ZBTB32: variants seen among roughly 807,000 people sequenced by gnomAD.
The protein encoded by ZBTB32 is zinc finger and BTB domain-containing protein 32.
A neutral mutation model predicts 45.3 loss-of-function variants in ZBTB32; 28 were observed. That is an observed-to-expected ratio of 0.62 (90% CI 0.46 to 0.85). The LOEUF is 0.85. ZBTB32 is among the 40% of genes least tolerant of loss of function. ZBTB32 has a pLI of 0.00. For missense variants in ZBTB32, 587 were observed against 624.4 expected, an observed-to-expected ratio of 0.94 and a Z score of 0.64; for synonymous variants, 283 against 255.7, an observed-to-expected ratio of 1.11 and a Z score of -1.02.
rs1398667884 is a variant in ZBTB32 at position 35,715,145 on chromosome 19, C to T, written c.519C>T (p.Gly173=). ...EMLHKHSPPR[G]RPEMAGATQE... is the part of the protein sequence containing the mutation. ...TGCACAAGCACTCGCCACCAAGAGG[C>T]AGACCCGAGATGGCAGGAGCAACGC... Residue 173 remains glycine (G), a synonymous_variant, in exon 3 of 7, where the codon GGC becomes GGT. Coordinates refer to ENST00000392197, the MANE Select transcript of ZBTB32 (RefSeq NM_014383.3). 6.2e-6 allele frequency: 10 copies of T among 1,613,904 alleles called. 1 individual carries two copies. In the South Asian group the frequency reaches 1.1e-4, roughly 18 times the overall value.
At chr19:35,716,375 TC>T (rs1439137071) in intron 6 of ZBTB32, 78 bp downstream of exon 6, 1 of 1,592,132 alleles carries the variant, frequency 6.3e-7, no homozygotes, top group Non-Finnish European at 8.6e-7. Flanking sequence ...TGTGCCCGGT[TC>T]CCGCGCAATC....
At position 35,715,338 on chromosome 19, in the gene ZBTB32, T is replaced by A; in HGVS notation, c.712T>A (p.Ser238Thr). ...CCCTGGCCCCCTTCCCCCAGCAGGC[T>A]CCCTGCAAACCAGCGTCACCCCTAG... ...KLPGPLPPAG[S>T]LQTSVTPRPS... Residue 238 changes from serine to threonine, a missense_variant, in exon 3 of 7, where the codon TCC (serine) becomes ACC (threonine). Physicochemically the swap from Ser to Thr is moderately conservative, Grantham distance 58. Coordinates refer to ENST00000392197, the MANE Select transcript of ZBTB32 (RefSeq NM_014383.3). 6.2e-7 allele frequency: 1 copy of A among 1,604,040 alleles called. No homozygotes were observed. Among genetic ancestry groups the A allele is most frequent in the Non-Finnish European group, 8.5e-7 (1 of 1,176,340 alleles).
At chr19:35,712,137 G>A (rs1968719048) in intron 1 of ZBTB32, among the ~76,000 whole-genome samples, 1 of 150,994 alleles carries the variant, frequency 6.6e-6, no homozygotes, top group African/African-American at 2.4e-5. Context: ...GTCATTTACT[G>A]TGTATCTAAT....
At chr19:35,708,267 G>C (rs548925481) in intron 1 of ZBTB32, among the ~76,000 whole-genome samples, 1 of 152,130 alleles carries the variant, frequency 6.6e-6, no homozygotes, top group East Asian at 1.9e-4. Context: ...TACAGGCCTG[G>C]GGTTGAGTCC....
Position 35,716,209 on chromosome 19 carries a change from T to C in ZBTB32, c.1101T>C (p.Pro367=), listed in dbSNP as rs767231160. Reference sequence around the variant, plus strand: ...GCCCGCACCCTCCCCCGGCCCCTCCTGCTCGGTCTCGGCCCTATGCGTGCT... The same window carrying C: ...GCCCGCACCCTCCCCCGGCCCCTCCCGCTCGGTCTCGGCCCTATGCGTGCT... ...PPRPHPPPAP[P]ARSRPYACSV... The change falls in exon 6 of 7, where the codon CCT becomes CCC. Residue 367 remains proline (P), a synonymous_variant. Transcript: ENST00000392197. 1 of 1,613,890 alleles carries C rather than the reference T, an allele frequency of 6.2e-7. No individual in the cohort carries two copies. The highest frequency in any genetic ancestry group is 2.2e-5 in the East Asian group (1 of 44,882).
rs1968929046 is a variant in ZBTB32, at chr19:35,716,817, T to C, written c.*65T>C. 16 of 1,539,282 alleles carry C rather than the reference T, an allele frequency of 1.0e-5. 1 individual carries two copies. The South Asian group carries it at 1.6e-4, about 15-fold the overall frequency. Reference sequence around the variant, plus strand: ...GAACGAAAAGCGGGCCGGCTCGGCTTCTGACCTGGCACCGCTGCTACGGCG... The same window carrying C: ...GAACGAAAAGCGGGCCGGCTCGGCTCCTGACCTGGCACCGCTGCTACGGCG... On this transcript the variant is annotated 3_prime_UTR_variant, in exon 7 of 7. Coordinates refer to ENST00000392197, the MANE Select transcript of ZBTB32 (RefSeq NM_014383.3).
In ZBTB32 at chr19:35,715,061, T is replaced by C; in HGVS notation, c.435T>C (p.Pro145=). ...SRNPERELGD[P]GEKQKPEQVS... ...ATCCTGAGAGAGAACTGGGGGACCC[T>C]GGAGAGAAGCAGAAACCAGAACAGG... Residue 145 remains proline, a synonymous_variant, in exon 3 of 7, where the codon CCT becomes CCC. Transcript: ENST00000392197. 1 of 1,613,528 alleles carries C rather than the reference T, an allele frequency of 6.2e-7. No homozygotes were observed. The highest frequency in any genetic ancestry group is 8.5e-7 in the Non-Finnish European group (1 of 1,179,922).
chr19:35,715,984 AAG>A lies in ZBTB32; in HGVS notation c.1004_1005del (p.Glu335ValfsTer2). ...GCACAGCTCAGCCCTGGGGAGATGGAAGAGTCTGATCAGGGGCACACAGGTGA... is the reference window on the plus strand; with the variant it reads ...GCACAGCTCAGCCCTGGGGAGATGGAAGTCTGATCAGGGGCACACAGGTGA... On this transcript the variant is annotated frameshift_variant, in exon 5 of 7. Coordinates refer to ENST00000392197, the MANE Select transcript of ZBTB32 (RefSeq NM_014383.3). LOFTEE classifies it high-confidence loss of function. The A allele has an allele frequency of 6.2e-7, 1 of 1,612,932 alleles. No individual in the cohort carries two copies. Among genetic ancestry groups the A allele is most frequent in the Non-Finnish European group, 8.5e-7 (1 of 1,179,930 alleles).
chr19:35,705,756 C>A (rs1640366144), intron 1 of ZBTB32, among the ~76,000 whole-genome samples: 1 of 151,328 alleles, frequency 6.6e-6, no homozygotes, highest in South Asian at 2.1e-4. Flanking sequence ...ACTAAAAATA[C>A]AAAAATTAGC....
chr19:35,713,454 G>A (rs949607711), intron 2 of ZBTB32: 3 of 152,318 alleles, frequency 2.0e-5, no homozygotes, highest in Non-Finnish European at 2.9e-5. Context: ...AGCTACAAGC[G>A]GTGAGTGATA....
intron 6 of ZBTB32, 31 bp downstream of exon 6, chr19:35,716,328 G>C (rs775930692): frequency 1.2e-6 from 2 of 1,611,898 alleles, no homozygotes; most frequent in Non-Finnish European, 1.7e-6. Context: ...GTGAACTGTC[G>C]GCTTTCTTCC....
rs768536407 is a variant in ZBTB32 at position 35,714,935 on chromosome 19, G to A, written c.309G>A (p.Gln103=). 6.3e-7 allele frequency: 1 copy of A among 1,582,584 alleles called. No homozygotes were observed. Among genetic ancestry groups the A allele is most frequent in the Non-Finnish European group, 8.6e-7 (1 of 1,164,540 alleles). ...LQEAARALGV[Q]SLEEACWRAR... The stretch of plus-strand genomic sequence containing the variant: ...AGGCGGCCAGGGCCTTGGGAGTGCA[G>A]TCCCTGGAAGAGGCATGCTGGAGGG... The change falls in exon 3 of 7, where the codon CAG becomes CAA. Residue 103 remains glutamine, a synonymous_variant. Transcript: ENST00000392197.
In ZBTB32 at chr19:35,704,639, TTTC is replaced by T. The variant is rs1409322064; in HGVS notation, c.-222+19_-222+21del. 1.3e-5 allele frequency: 2 copies of T among 152,346 alleles called. No individual in the cohort carries two copies. Among genetic ancestry groups the T allele is most frequent in the Non-Finnish European group, 2.9e-5 (2 of 68,142 alleles). The allele number at this position is 152,346 out of a possible 1,614,324, so 9.4% of individuals were successfully genotyped here. A position where few individuals can be genotyped will look rare whatever the true frequency, so the allele number is the denominator to read the frequency against. ...GTCTGGGCCGGTGAGTGCCATAGTT[TTTC>T]TTACTTTACTTTCTTGGGCTTGGGC... is the stretch of plus-strand genomic sequence containing the variant. On this transcript the variant is annotated intron_variant, in intron 1 of 6. Transcript: ENST00000392197.
chr19:35,711,374 A>G (rs543256566), intron 1 of ZBTB32, among the ~76,000 whole-genome samples: 1 of 152,300 alleles, frequency 6.6e-6, no homozygotes, highest in East Asian at 1.9e-4. Context: ...CTGATGCTTT[A>G]TGTGTCTTTT....
chr19:35,713,811 CCT>C (rs1250888543), intron 2 of ZBTB32, among the ~76,000 whole-genome samples: 1 of 152,232 alleles, frequency 6.6e-6, no homozygotes. Flanking sequence ...AAACAGCCTC[CCT>C]GTCTCCAGTC....
chr19:35,710,211 A>C (rs1968651159), intron 1 of ZBTB32, among the ~76,000 whole-genome samples: 1 of 146,882 alleles, frequency 6.8e-6, no homozygotes, highest in South Asian at 2.2e-4. Context: ...ACTCTGTCTC[A>C]AAAAAAAAAA....
intron 1 of ZBTB32, among the ~76,000 whole-genome samples, 191 bp from the exon 2 acceptor site, chr19:35,712,726 G>A (rs999549708): frequency 3.3e-5 from 5 of 152,122 alleles, no homozygotes; most frequent in South Asian, 2.1e-4. Context: ...ACCACCACAC[G>A]TCCTTCCTGG....
At chr19:35,708,801 T>TTTTTTTC (rs915973307) in intron 1 of ZBTB32, among the ~76,000 whole-genome samples, 2 of 151,522 alleles carry the variant, frequency 1.3e-5, no homozygotes, top group Non-Finnish European at 2.9e-5. Flanking sequence ...CGGAACATCT[T>TTTTTTTC]TTTTTTCTTT....
intron 3 of ZBTB32, 110 bp from the exon 4 acceptor site, chr19:35,715,647 G>A (rs1226189788): frequency 6.8e-6 from 10 of 1,477,406 alleles, no homozygotes; most frequent in Non-Finnish European, 9.1e-6. Flanking sequence ...GCTGCCACAG[G>A]GCACGCCAAA....
Sources: allele counts gnomAD v4.1 joint callset (sites outside exome capture counted in the v4.1 genomes callset), GRCh38; gene constraint gnomAD v4.1.1; transcripts MANE v1.5; gene names NCBI Gene and HGNC (gene_info 2026-07-23, HGNC 2026-07-21).